Variants in TBX5 observed in about 807,000 individuals in gnomAD.
TBX5 encodes T-box transcription factor 5.
A neutral mutation model predicts 51.1 loss-of-function variants in TBX5; 8 were observed. The observed-to-expected ratio is 0.16, with a 90% confidence interval of 0.09 to 0.28. The LOEUF is 0.28. Ranked by LOEUF, TBX5 falls within the 10% of genes least tolerant of loss-of-function variation. The pLI is 1.00. For synonymous variants in TBX5, 302 were observed against 266.4 expected, an observed-to-expected ratio of 1.13 and a Z score of -1.30; for missense variants, 589 against 671.7, an observed-to-expected ratio of 0.88 and a Z score of 1.36.
chr12:114,388,546 T>C (rs1045185644), intron 6 of TBX5, among the ~76,000 whole-genome samples: 4 of 152,060 alleles, frequency 2.6e-5, no homozygotes, highest in Non-Finnish European at 5.9e-5. Context: ...GGAGTGACCA[T>C]AGCTCACTAC....
At chr12:114,362,735 G>A (rs1323992105) in intron 8 of TBX5, among the ~76,000 whole-genome samples, 3 of 152,140 alleles carry the variant, frequency 2.0e-5, no homozygotes, top group African/African-American at 7.2e-5. Flanking sequence ...TGCAATCACA[G>A]CTCACTGCAG....
At chr12:114,363,464 T>C (rs540149614) in intron 8 of TBX5, among the ~76,000 whole-genome samples, 1 of 152,360 alleles carries the variant, frequency 6.6e-6, no homozygotes, top group Admixed American at 6.5e-5. Context: ...AAAAGCACCA[T>C]GATCCTTTTT....
intron 8 of TBX5, among the ~76,000 whole-genome samples, chr12:114,365,263 C>G (rs903937211): frequency 6.6e-6 from 1 of 151,324 alleles, no homozygotes; most frequent in Non-Finnish European, 1.5e-5. Flanking sequence ...ACACATATGC[C>G]AGAGAAGCAT....
At chr12:114,380,850 T>TAAAAAA (rs5801052) in intron 7 of TBX5, among the ~76,000 whole-genome samples, 1 of 150,462 alleles carries the variant, frequency 6.6e-6, no homozygotes, top group African/African-American at 2.4e-5. Context: ...TAGTTTTTAT[T>TAAAAAA]AAAAAAAAAA....
Position 114,398,565 on chromosome 12 carries a change from G to A in TBX5, c.510+8C>T. 6.2e-7 allele frequency: 1 copy of A among 1,612,202 alleles called. No individual in the cohort carries two copies. The highest frequency in any genetic ancestry group is 8.5e-7 in the Non-Finnish European group (1 of 1,179,220). ...GACAAGGCGGGGAATCCAGGCCACG[G>A]TACTCACATGCCCAAATGGGTCCAG... On this transcript the variant is annotated splice_region_variant and intron_variant, in intron 5 of 8. Transcript: ENST00000405440.
intron 5 of TBX5, among the ~76,000 whole-genome samples, chr12:114,397,740 T>C (rs1029907662): frequency 6.6e-6 from 1 of 152,150 alleles, no homozygotes; most frequent in Non-Finnish European, 1.5e-5. Context: ...ATTCGCCTGC[T>C]CTGGGCACAG....
Position 114,355,366 on chromosome 12 carries a change from A to T in TBX5, c.*166T>A. On this transcript the variant is annotated 3_prime_UTR_variant, in exon 9 of 9. Transcript: ENST00000405440. ...ATTTTTAAAATTGTGGTTTCAAGCTACTGATTAGATCAGCATCCAGCGACC... is the reference window on the plus strand; with the variant it reads ...ATTTTTAAAATTGTGGTTTCAAGCTTCTGATTAGATCAGCATCCAGCGACC... 1 of 854,964 alleles carries T rather than the reference A, an allele frequency of 1.2e-6. No individual in the cohort carries two copies. Among genetic ancestry groups the T allele is most frequent in the Non-Finnish European group, 1.9e-6 (1 of 525,620 alleles). The allele number at this position is 854,964 out of a possible 1,614,324, so 53.0% of individuals were successfully genotyped here.
intron 2 of TBX5, among the ~76,000 whole-genome samples, chr12:114,403,341 C>T (rs1871959298): frequency 6.6e-6 from 1 of 152,236 alleles, no homozygotes; most frequent in African/African-American, 2.4e-5. Flanking sequence ...GTCAAGCCAT[C>T]GCTCATGCCG....
chr12:114,355,276 TG>T lies in TBX5; in HGVS notation c.*255del. On this transcript the variant is annotated 3_prime_UTR_variant, in exon 9 of 9. Coordinates refer to ENST00000405440, the MANE Select transcript of TBX5 (RefSeq NM_181486.4). Reference sequence around the variant, plus strand: ...GGCTGGTTGATGGGTGTGGTGGTAGTGGGGGGTGGGACTCATCTTTTTGTGT... The same window carrying T: ...GGCTGGTTGATGGGTGTGGTGGTAGTGGGGGTGGGACTCATCTTTTTGTGT... The T allele has an allele frequency of 5.7e-6, 3 of 526,794 alleles. No homozygotes were observed. The highest frequency in any genetic ancestry group is 1.8e-5 in the South Asian group (1 of 55,914). 32.6% of individuals were successfully genotyped at this position (526,794 alleles called of 1,614,324 possible). A position where few individuals can be genotyped will look rare whatever the true frequency, so the allele number is the denominator to read the frequency against.
At chr12:114,390,393 C>T (rs1871089607) in intron 6 of TBX5, among the ~76,000 whole-genome samples, 2 of 152,226 alleles carry the variant, frequency 1.3e-5, no homozygotes, top group African/African-American at 4.8e-5. Flanking sequence ...TTCTATTCAC[C>T]ATGCAAATGT....
At chr12:114,378,743 G>C (rs4767239) in intron 7 of TBX5, among the ~76,000 whole-genome samples, 127,575 of 152,130 alleles carry the variant, frequency 0.84, 53,899 homozygotes, top group East Asian at 0.93. Context: ...TTCAAGCAAT[G>C]CTCCCACCTC....
chr12:114,373,971 T>C (rs1246412191), intron 7 of TBX5, among the ~76,000 whole-genome samples: 1 of 152,224 alleles, frequency 6.6e-6, no homozygotes, highest in African/African-American at 2.4e-5. Context: ...GAAGCTGGAA[T>C]GCTACAGCTT....
At chr12:114,398,535 A>C (rs1370677096) in intron 5 of TBX5, 38 bp downstream of exon 5, 1 of 1,604,554 alleles carries the variant, frequency 6.2e-7, no homozygotes, top group Non-Finnish European at 8.5e-7. Flanking sequence ...AGAGGACAAG[A>C]GGGAGACAAG....
chr12:114,389,817 C>T (rs937390765), intron 6 of TBX5, among the ~76,000 whole-genome samples: 2 of 147,200 alleles, frequency 1.4e-5, no homozygotes, highest in Non-Finnish European at 3.0e-5. Flanking sequence ...TTTCCTCCCA[C>T]CTCCCAGCCT....
intron 3 of TBX5, among the ~76,000 whole-genome samples, 156 bp from the exon 4 acceptor site, chr12:114,399,788 C>T (rs963109490): frequency 1.3e-5 from 2 of 152,138 alleles, no homozygotes; most frequent in Non-Finnish European, 2.9e-5. Context: ...TCCCGGGTTT[C>T]CCTTGAAGTT....
rs55980450 is a variant in TBX5, at chr12:114,399,414, T to TAAAA, written c.362+95_362+98dup. ...GACGCCTTTAGCACACAGTAGGAAC[T>TAAAA]AAAAAAAAAAAAAAAGTTCACTGAT... On this transcript the variant is annotated intron_variant, in intron 4 of 8. Transcript: ENST00000405440. 2.2e-5 allele frequency: 31 copies of TAAAA among 1,405,394 alleles called. No homozygotes were observed. In the African/African-American group the frequency reaches 3.2e-4, roughly 15 times the overall value. The allele number at this position is 1,405,394 out of a possible 1,614,324, so 87.1% of individuals were successfully genotyped here. A position where few individuals can be genotyped will look rare whatever the true frequency, so the allele number is the denominator to read the frequency against.
At chr12:114,396,649 GA>G (rs1333374501) in intron 5 of TBX5, among the ~76,000 whole-genome samples, 1 of 152,162 alleles carries the variant, frequency 6.6e-6, no homozygotes, top group African/African-American at 2.4e-5. Context: ...GAGCTGAAAT[GA>G]GCCTGGGGAA....
At chr12:114,372,006 G>A (rs1869936137) in intron 7 of TBX5, among the ~76,000 whole-genome samples, 1 of 152,128 alleles carries the variant, frequency 6.6e-6, no homozygotes, top group Admixed American at 6.6e-5. Flanking sequence ...AGAATAAGGG[G>A]ACACAATGTT....
chr12:114,389,983 G>A (rs540391193), intron 6 of TBX5, among the ~76,000 whole-genome samples: 2 of 151,470 alleles, frequency 1.3e-5, no homozygotes, highest in Non-Finnish European at 2.9e-5. Flanking sequence ...AAGAAGAAAA[G>A]GGTGAATTTT....
Sources: allele counts gnomAD v4.1 joint callset (sites outside exome capture counted in the v4.1 genomes callset), GRCh38; gene constraint gnomAD v4.1.1; transcripts MANE v1.5; gene names NCBI Gene and HGNC (gene_info 2026-07-23, HGNC 2026-07-21).